Variants in SLC2A13 observed in about 807,000 individuals in gnomAD.
SLC2A13 encodes proton myo-inositol cotransporter.
SLC2A13 carries 32 observed loss-of-function variants against 64.4 expected under a neutral mutation model. That is an observed-to-expected ratio of 0.50 (90% CI 0.37 to 0.67). The LOEUF (loss-of-function observed/expected upper bound fraction) is 0.67, where lower values mean the gene tolerates loss of function less well. Among genes scored for constraint, SLC2A13 ranks in the 30% least tolerant of loss-of-function variants. The pLI, the probability that SLC2A13 is intolerant of heterozygous loss-of-function variation, is 0.00. For missense variants in SLC2A13, 743 were observed against 829.2 expected (o/e 0.90, Z 1.28); for synonymous variants, 338 against 327.1 (o/e 1.03, Z -0.36).
intron 1 of SLC2A13, among the ~76,000 whole-genome samples, chr12:40,071,283 C>T (rs1937945359): frequency 6.6e-6 from 1 of 151,848 alleles, no homozygotes; most frequent in Admixed American, 6.6e-5. Flanking sequence ...AGGCTGGTCT[C>T]GAAATTCTAT....
chr12:40,086,229 C>G (rs901150409), intron 1 of SLC2A13, among the ~76,000 whole-genome samples: 1 of 152,064 alleles, frequency 6.6e-6, no homozygotes, highest in African/African-American at 2.4e-5. Context: ...ATCACGGATG[C>G]ATTGGCAATC....
At chr12:39,992,685 A>C (rs1277638286) in intron 3 of SLC2A13, among the ~76,000 whole-genome samples, 2 of 152,138 alleles carry the variant, frequency 1.3e-5, no homozygotes, top group Non-Finnish European at 2.9e-5. Context: ...ATTTACTAAC[A>C]TATATGTTCT....
intron 3 of SLC2A13, among the ~76,000 whole-genome samples, chr12:39,991,612 T>C (rs897139581): frequency 1.3e-5 from 2 of 152,208 alleles, no homozygotes; most frequent in Admixed American, 6.5e-5. Context: ...CTCTTTAGAA[T>C]ACAGGCTACT....
At chr12:39,889,328 A>G (rs879362533) in intron 4 of SLC2A13, among the ~76,000 whole-genome samples, 2 of 152,046 alleles carry the variant, frequency 1.3e-5, no homozygotes, top group Non-Finnish European at 2.9e-5. Flanking sequence ...CAGGATTTAT[A>G]TATCTATATA....
intron 1 of SLC2A13, among the ~76,000 whole-genome samples, chr12:40,083,929 A>C (rs1739038130): frequency 6.6e-6 from 1 of 151,940 alleles, no homozygotes; most frequent in Non-Finnish European, 1.5e-5. Flanking sequence ...GTGGAGAGAC[A>C]GGCTGTGGAA....
chr12:39,863,410 G>T (rs865885330), intron 6 of SLC2A13, among the ~76,000 whole-genome samples: 1 of 151,954 alleles, frequency 6.6e-6, no homozygotes, highest in African/African-American at 2.4e-5. Context: ...ATAATTTTTA[G>T]GTGATTTTCT....
intron 3 of SLC2A13, among the ~76,000 whole-genome samples, chr12:39,976,428 T>G (rs1207747303): frequency 6.6e-6 from 1 of 152,232 alleles, no homozygotes; most frequent in Admixed American, 6.5e-5. Context: ...ACAAGAGAGA[T>G]ATATTCTAGC....
intron 4 of SLC2A13, among the ~76,000 whole-genome samples, chr12:39,882,330 C>A (rs747145410): frequency 6.6e-6 from 1 of 152,178 alleles, no homozygotes. Flanking sequence ...TCAGGTGATG[C>A]TGATCCTGCT....
At chr12:39,921,299 C>T (rs143529365) in intron 4 of SLC2A13, among the ~76,000 whole-genome samples, 47 of 152,164 alleles carry the variant, frequency 3.1e-4, no homozygotes, top group African/African-American at 1.1e-3. Flanking sequence ...GTTACCAATA[C>T]TAGGTTGGCG....
chr12:39,930,355 T>C (rs1351999463), intron 4 of SLC2A13, among the ~76,000 whole-genome samples: 1 of 151,992 alleles, frequency 6.6e-6, no homozygotes, highest in African/African-American at 2.4e-5. Flanking sequence ...AGCTGCTCAG[T>C]GGGGAACAAT....
At chr12:40,017,976 TAAAAAA>T (rs5797648) in intron 3 of SLC2A13, among the ~76,000 whole-genome samples, 3 of 128,562 alleles carry the variant, frequency 2.3e-5, no homozygotes, top group Admixed American at 8.0e-5. Flanking sequence ...TGCACATATT[TAAAAAA>T]AAAAAAAAAA....
intron 1 of SLC2A13, among the ~76,000 whole-genome samples, chr12:40,072,422 G>A (rs1237332565): frequency 1.3e-5 from 2 of 152,132 alleles, no homozygotes; most frequent in African/African-American, 4.8e-5. Flanking sequence ...TGGTGTTGTT[G>A]AGTTCAACAA....
At chr12:39,955,517 G>GT (rs1357926025) in intron 3 of SLC2A13, among the ~76,000 whole-genome samples, 107 of 151,946 alleles carry the variant, frequency 7.0e-4, no homozygotes, top group Non-Finnish European at 2.9e-5. Flanking sequence ...AACCAAAATT[G>GT]TTTTTTTAAG....
chr12:39,849,917 G>A (rs1943422351), intron 6 of SLC2A13, among the ~76,000 whole-genome samples: 2 of 151,788 alleles, frequency 1.3e-5, no homozygotes, highest in African/African-American at 2.4e-5. Context: ...GGGTAATATT[G>A]TTTCTTCTTC....
chr12:39,990,182 A>T (rs868007985), intron 3 of SLC2A13, among the ~76,000 whole-genome samples: 36 of 152,332 alleles, frequency 2.4e-4, no homozygotes, highest in African/African-American at 8.4e-4. Flanking sequence ...TATATAAAGT[A>T]GTCTTACACA....
chr12:39,767,035 A>G (rs928265887), intron 7 of SLC2A13, among the ~76,000 whole-genome samples: 1 of 152,122 alleles, frequency 6.6e-6, no homozygotes, highest in Non-Finnish European at 1.5e-5. Context: ...TTTTAATAGC[A>G]TCCAGAATAG....
At chr12:40,056,324 AAC>A (rs985002622) in intron 1 of SLC2A13, among the ~76,000 whole-genome samples, 3 of 152,160 alleles carry the variant, frequency 2.0e-5, no homozygotes, top group African/African-American at 7.2e-5. Context: ...GCCAGGGAAA[AAC>A]ACAGAGAAAG....
chr12:39,785,025 T>C (rs1941134502), intron 7 of SLC2A13, among the ~76,000 whole-genome samples: 3 of 152,140 alleles, frequency 2.0e-5, no homozygotes, highest in African/African-American at 7.2e-5. Context: ...TTTGCAGCCT[T>C]ATGATGTAGT....
At chr12:40,038,159 G>A (rs1948021242) in intron 2 of SLC2A13, among the ~76,000 whole-genome samples, 1 of 152,140 alleles carries the variant, frequency 6.6e-6, no homozygotes, top group African/African-American at 2.4e-5. Context: ...AAGCACTGCT[G>A]TAGCTGCATT....
Sources: gnomAD v4.1 joint callset for allele counts (sites outside exome capture counted in the v4.1 genomes callset) on GRCh38, gnomAD v4.1.1 for gene constraint, MANE v1.5 for transcripts, NCBI Gene and HGNC (gene_info 2026-07-23, HGNC 2026-07-21) for gene names.